BRINP1: variants seen among roughly 807,000 people sequenced by gnomAD.
BRINP1 encodes BMP/retinoic acid inducible neural specific 1.
Under a neutral mutation model 72.9 loss-of-function variants are expected in BRINP1, and 17 were observed. The ratio of observed to expected loss-of-function variants is 0.23; its 90% CI spans 0.16 to 0.35. The LOEUF (loss-of-function observed/expected upper bound fraction) is 0.35, where lower values mean the gene tolerates loss of function less well. Ranked by LOEUF, BRINP1 falls within the 10% of genes least tolerant of loss-of-function variation. The probability of loss-of-function intolerance (pLI) is 1.00; values close to 1 mark genes in which losing one functional copy is unlikely to be tolerated. For missense variants in BRINP1, 850 were observed against 1,001.6 expected, an observed-to-expected ratio of 0.85 and a Z score of 2.04; for synonymous variants, 418 against 378.5, an observed-to-expected ratio of 1.10 and a Z score of -1.21.
intron 6 of BRINP1, among the ~76,000 whole-genome samples, chr9:119,209,870 C>A (rs2118872620): frequency 6.6e-6 from 1 of 152,286 alleles, no homozygotes; most frequent in Non-Finnish European, 1.5e-5. Flanking sequence ...ACCCGGTGAT[C>A]CAGTGTTGTT....
intron 1 of BRINP1, among the ~76,000 whole-genome samples, chr9:119,324,264 AG>A (rs1297986303): frequency 6.6e-6 from 1 of 152,174 alleles, no homozygotes; most frequent in Non-Finnish European, 1.5e-5. Context: ...CCTATCTTCA[AG>A]ACTCATCCCA....
At chr9:119,247,454 C>G (rs116023347) in intron 3 of BRINP1, among the ~76,000 whole-genome samples, 307 of 151,910 alleles carry the variant, frequency 2.0e-3, no homozygotes, top group African/African-American at 6.8e-3. Context: ...AGATCAAGAC[C>G]ATCCTGTCAA....
chr9:119,329,299 G>T (rs1269269076), intron 1 of BRINP1, among the ~76,000 whole-genome samples: 2 of 152,136 alleles, frequency 1.3e-5, no homozygotes. Context: ...CTGAAATCAG[G>T]TGAAAAGTTC....
intron 2 of BRINP1, among the ~76,000 whole-genome samples, chr9:119,310,451 T>C (rs1016342987): frequency 2.6e-5 from 4 of 152,190 alleles, no homozygotes; most frequent in Non-Finnish European, 5.9e-5. Flanking sequence ...AAGGTTCTCA[T>C]TGTTGTCACT....
At chr9:119,307,419 T>C (rs1831009512) in intron 2 of BRINP1, among the ~76,000 whole-genome samples, 1 of 152,162 alleles carries the variant, frequency 6.6e-6, no homozygotes, top group African/African-American at 2.4e-5. Context: ...TGCCCTCTAT[T>C]GAGGTTTGTA....
At chr9:119,367,771 T>G (rs1293492526) in intron 1 of BRINP1, among the ~76,000 whole-genome samples, 1 of 152,154 alleles carries the variant, frequency 6.6e-6, no homozygotes, top group South Asian at 2.1e-4. Flanking sequence ...GGTTCCACAC[T>G]CACAGCCCCT....
intron 7 of BRINP1, among the ~76,000 whole-genome samples, chr9:119,190,974 G>T (rs1165906424): frequency 6.6e-6 from 1 of 151,884 alleles, no homozygotes; most frequent in East Asian, 1.9e-4. Context: ...CGCAAGGCTG[G>T]TTTAATATAT....
At chr9:119,246,864 C>G (rs1333444511) in intron 3 of BRINP1, among the ~76,000 whole-genome samples, 1 of 152,206 alleles carries the variant, frequency 6.6e-6, no homozygotes, top group Non-Finnish European at 1.5e-5. Context: ...CTCTCTACTC[C>G]TCCACACTGA....
At chr9:119,364,908 T>G (rs1205506634) in intron 1 of BRINP1, among the ~76,000 whole-genome samples, 1 of 152,242 alleles carries the variant, frequency 6.6e-6, no homozygotes, top group Non-Finnish European at 1.5e-5. Context: ...TTGCTTTAAA[T>G]GAACATGAAG....
At chr9:119,343,376 A>G (rs1831422749) in intron 1 of BRINP1, among the ~76,000 whole-genome samples, 1 of 152,154 alleles carries the variant, frequency 6.6e-6, no homozygotes, top group African/African-American at 2.4e-5. Context: ...TAAACCTTGA[A>G]CTTAACAACT....
At chr9:119,340,736 G>C (rs999358844) in intron 1 of BRINP1, among the ~76,000 whole-genome samples, 1 of 152,100 alleles carries the variant, frequency 6.6e-6, no homozygotes, top group South Asian at 2.1e-4. Context: ...ACCTATGATG[G>C]GGAGAGTAAA....
chr9:119,317,290 T>C (rs1002428058), intron 1 of BRINP1, among the ~76,000 whole-genome samples: 5 of 151,894 alleles, frequency 3.3e-5, no homozygotes, highest in South Asian at 2.1e-4. Flanking sequence ...TTGGAAGAAG[T>C]TGATTTCAAA....
At chr9:119,257,986 GA>G (rs1830461393) in intron 2 of BRINP1, among the ~76,000 whole-genome samples, 3 of 151,008 alleles carry the variant, frequency 2.0e-5, no homozygotes, top group Non-Finnish European at 3.0e-5. Flanking sequence ...AGGAAAAGTA[GA>G]AAAAAAGAAG....
intron 5 of BRINP1, among the ~76,000 whole-genome samples, chr9:119,228,023 A>G (rs1297922784): frequency 6.6e-6 from 1 of 152,022 alleles, no homozygotes; most frequent in East Asian, 1.9e-4. Context: ...GATTTTGAAA[A>G]TAGTCATCTT....
chr9:119,345,736 A>G (rs1432731067), intron 1 of BRINP1, among the ~76,000 whole-genome samples: 3 of 152,192 alleles, frequency 2.0e-5, no homozygotes, highest in African/African-American at 7.2e-5. Context: ...TCTGAACCAA[A>G]TCAACGTGGA....
Position 119,360,518 on chromosome 9 carries a change from G to A in BRINP1, c.-51+8538C>T, listed in dbSNP as rs191323073. On this transcript the variant is annotated intron_variant, in intron 1 of 7. Coordinates refer to ENST00000265922, the MANE Select transcript of BRINP1 (RefSeq NM_014618.3). ...TTTGCTCTTCTAGGTTTATCTTGGA[G>A]CTCCTGGGGACTCTAGGAATTCCAC... is the stretch of plus-strand genomic sequence containing the variant. Among the ~76,000 whole-genome samples the A allele has an allele frequency of 2.3e-3, 317 of 136,132 alleles. 6 individuals are homozygous for A. The South Asian group carries it at 0.064, about 27-fold the overall frequency. The allele number at this position is 136,132 out of a possible 152,430, so 89.3% of individuals were successfully genotyped here.
chr9:119,239,600 A>G (rs1324559811), intron 4 of BRINP1, among the ~76,000 whole-genome samples: 2 of 152,178 alleles, frequency 1.3e-5, no homozygotes, highest in African/African-American at 4.8e-5. Context: ...GTAAGGAACA[A>G]TGACTTGGGA....
At chr9:119,259,877 G>C (rs1249996327) in intron 2 of BRINP1, among the ~76,000 whole-genome samples, 1 of 152,132 alleles carries the variant, frequency 6.6e-6, no homozygotes, top group Non-Finnish European at 1.5e-5. Flanking sequence ...ACAGTGCTTT[G>C]TTTAAGAAGA....
At chr9:119,182,906 T>G (rs940542876) in intron 7 of BRINP1, among the ~76,000 whole-genome samples, 1 of 152,154 alleles carries the variant, frequency 6.6e-6, no homozygotes, top group Admixed American at 6.5e-5. Context: ...CAATATGCAA[T>G]GAATCTCCAC....
Sources: gnomAD v4.1 joint callset for allele counts (sites outside exome capture counted in the v4.1 genomes callset) on GRCh38, gnomAD v4.1.1 for gene constraint, MANE v1.5 for transcripts, NCBI Gene and HGNC (gene_info 2026-07-23, HGNC 2026-07-21) for gene names.